Variants in CNTNAP3B observed in about 807,000 individuals in gnomAD.
CNTNAP3B encodes the protein contactin associated protein family member 3B.
In CNTNAP3B, 25 loss-of-function variants were observed where a neutral mutation model predicts 108.9. The ratio of observed to expected loss-of-function variants is 0.23; its 90% CI spans 0.17 to 0.32. The LOEUF (loss-of-function observed/expected upper bound fraction) is 0.32. CNTNAP3B is among the 10% of genes least tolerant of loss of function. The pLI is 1.00. For synonymous variants in CNTNAP3B, 103 were observed against 473.4 expected (o/e 0.22, Z 10.16); for missense variants, 252 against 1,210.4 (o/e 0.21, Z 11.75).
intron 14 of CNTNAP3B, among the ~76,000 whole-genome samples, chr9:41,933,708 C>T (rs1311514883): frequency 7.9e-4 from 121 of 152,372 alleles, no homozygotes; most frequent in Middle Eastern, 3.4e-3. Flanking sequence ...ATATTATCTA[C>T]AATATCTGCC....
chr9:42,058,364 T>C (rs1289764000), intron 3 of CNTNAP3B, among the ~76,000 whole-genome samples: 2 of 151,656 alleles, frequency 1.3e-5, no homozygotes, highest in East Asian at 3.9e-4. Context: ...CTTCACATCT[T>C]CATCGACACT....
At chr9:41,926,842 C>A (rs1216499362) in intron 15 of CNTNAP3B, 3 of 152,464 alleles carry the variant, frequency 2.0e-5, no homozygotes, top group Admixed American at 6.5e-5. Flanking sequence ...AATACAGCCA[C>A]ATTTGGAGAG....
At chr9:41,937,114 T>TTTTTTATTATTATTA (rs762179814) in intron 14 of CNTNAP3B, among the ~76,000 whole-genome samples, 1 of 141,440 alleles carries the variant, frequency 7.1e-6, no homozygotes, top group African/African-American at 2.7e-5. Flanking sequence ...TATTTATTAA[T>TTTTTTATTATTATTA]TTATTATTAT....
chr9:42,093,259 A>C lies in CNTNAP3B; in HGVS notation c.196+11370T>G, dbSNP rs1291438443. On this transcript the variant is annotated intron_variant, in intron 2 of 23. Transcript: ENST00000377561. ...ACTCAGAAGGCTGAGGCAGGAGAAT[A>C]GCTTGAACCCAGGAAGCGGAGGTTG... Among the ~76,000 whole-genome samples, 3 of 95,250 alleles carry C rather than the reference A, an allele frequency of 3.1e-5. 1 individual carries two copies. Among genetic ancestry groups the C allele is most frequent in the Non-Finnish European group, 6.7e-5 (3 of 44,962 alleles). 62.5% of individuals were successfully genotyped at this position (95,250 alleles called of 152,430 possible).
At chr9:42,090,973 TACACAC>T (rs548325172) in intron 2 of CNTNAP3B, among the ~76,000 whole-genome samples, 72 of 37,570 alleles carry the variant, frequency 1.9e-3, no homozygotes, top group East Asian at 9.5e-3. Context: ...TATATATATA[TACACAC>T]ACACACACAC....
intron 10 of CNTNAP3B, among the ~76,000 whole-genome samples, chr9:41,966,654 T>TA (rs1825285753): frequency 6.6e-6 from 1 of 152,284 alleles, no homozygotes; most frequent in African/African-American, 2.4e-5. Context: ...GAGTCTGATG[T>TA]AAGAGGTGAT....
chr9:42,064,940 G>A (rs1213533291), intron 3 of CNTNAP3B, among the ~76,000 whole-genome samples: 1 of 149,932 alleles, frequency 6.7e-6, no homozygotes, highest in East Asian at 2.0e-4. Context: ...TGTCTTTTTG[G>A]TAGAATGATT....
At chr9:42,075,142 C>T (rs879526262) in intron 3 of CNTNAP3B, among the ~76,000 whole-genome samples, 2,352 of 143,804 alleles carry the variant, frequency 0.016, 47 homozygotes, top group Admixed American at 0.046. Context: ...ACTGTGTTCC[C>T]TGTGTGTACA....
chr9:41,925,529 C>A (rs935403340), intron 15 of CNTNAP3B, among the ~76,000 whole-genome samples: 2 of 152,288 alleles, frequency 1.3e-5, no homozygotes, highest in Non-Finnish European at 2.9e-5. Context: ...GGAGGCGGAG[C>A]TTGCAGTGAG....
intron 11 of CNTNAP3B, among the ~76,000 whole-genome samples, chr9:41,961,574 A>C (rs1326000693): frequency 2.6e-5 from 4 of 152,296 alleles, no homozygotes; most frequent in South Asian, 4.1e-4. Context: ...GTTTTTCTTA[A>C]GCTATGCGGC....
At chr9:42,074,930 G>T (rs1422810046) in intron 3 of CNTNAP3B, among the ~76,000 whole-genome samples, 2 of 144,830 alleles carry the variant, frequency 1.4e-5, no homozygotes, top group East Asian at 2.0e-4. Flanking sequence ...GTAACAAAGT[G>T]CCACAAACTA....
rs1333969763 is a variant in CNTNAP3B at position 42,112,562 on chromosome 9, A to G, written c.86-7823T>C. Among the ~76,000 whole-genome samples the G allele has an allele frequency of 1.4e-5, 2 of 138,798 alleles. 1 individual carries two copies. Among genetic ancestry groups the G allele is most frequent in the African/African-American group, 5.7e-5 (2 of 34,822 alleles). 91.1% of individuals were successfully genotyped at this position (138,798 alleles called of 152,430 possible). On this transcript the variant is annotated intron_variant, in intron 1 of 23. Transcript: ENST00000377561. ...ATTCCTAGAGTCTACCTGTGGGAAC[A>G]GATGAGGCTTGGAAGAAGACACATA...
At chr9:41,939,842 C>T (rs1824280130) in intron 13 of CNTNAP3B, among the ~76,000 whole-genome samples, 1 of 152,154 alleles carries the variant, frequency 6.6e-6, no homozygotes, top group African/African-American at 2.4e-5. Context: ...ATCTTGTAGA[C>T]TTGTCTATCC....
intron 12 of CNTNAP3B, among the ~76,000 whole-genome samples, chr9:41,959,811 G>C (rs1235665884): frequency 1.2e-4 from 19 of 152,294 alleles, no homozygotes; most frequent in Non-Finnish European, 2.6e-4. Context: ...TTTGGTTATT[G>C]TCCAAATTTA....
At chr9:41,940,156 G>C (rs1020668927) in intron 13 of CNTNAP3B, among the ~76,000 whole-genome samples, 14 of 152,400 alleles carry the variant, frequency 9.2e-5, no homozygotes, top group African/African-American at 3.1e-4. Context: ...ATCTCAAAAA[G>C]AGAGAACAAA....
chr9:41,999,546 CAT>C (rs1173449108), intron 4 of CNTNAP3B, among the ~76,000 whole-genome samples: 6 of 123,228 alleles, frequency 4.9e-5, no homozygotes, highest in East Asian at 2.5e-4. Context: ...CACACACACA[CAT>C]ACACACACAC....
At chr9:41,948,097 G>T (rs1587133833) in intron 13 of CNTNAP3B, among the ~76,000 whole-genome samples, 1 of 151,464 alleles carries the variant, frequency 6.6e-6, no homozygotes, top group Non-Finnish European at 1.5e-5. Flanking sequence ...TTTTGGTTTT[G>T]GTTTTTATTT....
chr9:41,934,748 T>C (rs1824102627), intron 14 of CNTNAP3B, among the ~76,000 whole-genome samples: 1 of 152,286 alleles, frequency 6.6e-6, no homozygotes, highest in African/African-American at 2.4e-5. Context: ...TTTTATCTTT[T>C]GTAAACAAGC....
At chr9:42,094,174 A>G (rs1211917900) in intron 2 of CNTNAP3B, among the ~76,000 whole-genome samples, 1 of 139,184 alleles carries the variant, frequency 7.2e-6, no homozygotes, top group Non-Finnish European at 1.5e-5. Flanking sequence ...ACACCTAGTA[A>G]GCACACTGGC....
Sources: gnomAD v4.1 joint callset for allele counts (sites outside exome capture counted in the v4.1 genomes callset) on GRCh38, gnomAD v4.1.1 for gene constraint, MANE v1.5 for transcripts, NCBI Gene and HGNC (gene_info 2026-07-23, HGNC 2026-07-21) for gene names.